Variants in LINGO2 observed in about 807,000 individuals in gnomAD.
The protein encoded by LINGO2 is leucine-rich repeat and immunoglobulin-like domain-containing nogo receptor-interacting protein 2.
A neutral mutation model predicts 30.6 loss-of-function variants in LINGO2; 14 were observed. That is an observed-to-expected ratio of 0.46 (90% CI 0.30 to 0.72). The LOEUF (loss-of-function observed/expected upper bound fraction) is 0.72, where lower values mean the gene tolerates loss of function less well. Among genes scored for constraint, LINGO2 ranks in the 30% least tolerant of loss-of-function variants. LINGO2 has a pLI of 0.07. For synonymous variants in LINGO2, 317 were observed against 288.5 expected (o/e 1.10, Z -1.00); for missense variants, 729 against 751.7 (o/e 0.97, Z 0.35).
intron 5 of LINGO2, among the ~76,000 whole-genome samples, chr9:27,979,545 C>A (rs1820757958): frequency 6.6e-6 from 1 of 151,904 alleles, no homozygotes; most frequent in South Asian, 2.1e-4. Flanking sequence ...ATAGTTTTTA[C>A]ATTATCTTGC....
chr9:28,148,458 A>T lies in LINGO2; in HGVS notation c.-86-136053T>A. ...GAGGTGAGGGCAGAAGAGCCCAGAG[A>T]AGCAACGGAGGTGACAGACCAGGTA... On this transcript the variant is annotated intron_variant, in intron 4 of 5. Coordinates refer to ENST00000379992, the Ensembl canonical transcript of LINGO2. This position sits in a 1 kb window ranked among gnomAD's most constrained non-coding sequence, Gnocchi z 5.1. 1 of 1,407,648 alleles carries T rather than the reference A, an allele frequency of 7.1e-7. No homozygotes were observed. The highest frequency in any genetic ancestry group is 9.7e-7 in the Non-Finnish European group (1 of 1,030,914). 87.2% of individuals were successfully genotyped at this position (1,407,648 alleles called of 1,614,324 possible).
chr9:27,981,542 A>G (rs1396576539), intron 5 of LINGO2, among the ~76,000 whole-genome samples: 1 of 122,742 alleles, frequency 8.1e-6, no homozygotes, highest in Admixed American at 8.0e-5. Flanking sequence ...GGCAAAAAAA[A>G]AAAAAAAAGA....
chr9:28,072,155 T>C (rs1310253191), intron 4 of LINGO2, among the ~76,000 whole-genome samples: 1 of 152,186 alleles, frequency 6.6e-6, no homozygotes, highest in Non-Finnish European at 1.5e-5. Context: ...CCTTTTTGTG[T>C]GCTTTCTGGG....
the LINGO2 span, among the ~76,000 whole-genome samples, chr9:28,970,017 G>A: frequency 6.6e-6 from 1 of 152,126 alleles, no homozygotes; most frequent in African/African-American, 2.4e-5. Context: ...ATATACTTCG[G>A]ATTTCTGACA....
At chr9:28,705,603 T>G in the LINGO2 span, among the ~76,000 whole-genome samples, 1 of 152,074 alleles carries the variant, frequency 6.6e-6, no homozygotes, top group East Asian at 1.9e-4. Flanking sequence ...ACTTTTCTGC[T>G]CCCACTGCCA....
chr9:28,209,176 C>T (rs970370051), intron 4 of LINGO2, among the ~76,000 whole-genome samples: 8 of 151,968 alleles, frequency 5.3e-5, no homozygotes, highest in African/African-American at 1.9e-4. Flanking sequence ...TCTTATTTAT[C>T]CATTCTCTAA....
chr9:28,886,691 G>A, the LINGO2 span, among the ~76,000 whole-genome samples: 1 of 152,030 alleles, frequency 6.6e-6, no homozygotes, highest in Non-Finnish European at 1.5e-5. Context: ...TTCTCTCTAT[G>A]TAATTTCCCA....
At chr9:28,045,930 G>A (rs1824401108) in intron 4 of LINGO2, among the ~76,000 whole-genome samples, 2 of 152,284 alleles carry the variant, frequency 1.3e-5, no homozygotes, top group East Asian at 1.9e-4. Flanking sequence ...ATGATGAAAA[G>A]CAAAGAGTTA....
At chr9:28,117,333 T>C (rs1432494319) in intron 4 of LINGO2, among the ~76,000 whole-genome samples, 14 of 143,812 alleles carry the variant, frequency 9.7e-5, no homozygotes, top group Non-Finnish European at 2.1e-4. Context: ...ACAGGGACAT[T>C]TAAGTCTGCA....
chr9:28,997,693 G>A, the LINGO2 span, among the ~76,000 whole-genome samples: 1 of 151,914 alleles, frequency 6.6e-6, no homozygotes, highest in Non-Finnish European at 1.5e-5. Context: ...CATGGTAGTG[G>A]GCACCTATAG....
At chr9:28,987,693 C>G in the LINGO2 span, among the ~76,000 whole-genome samples, 1 of 152,082 alleles carries the variant, frequency 6.6e-6, no homozygotes, top group Non-Finnish European at 1.5e-5. Context: ...AAACTTACCT[C>G]TTAGAACTCT....
chr9:28,053,692 A>T (rs943141045), intron 4 of LINGO2, among the ~76,000 whole-genome samples: 2 of 152,122 alleles, frequency 1.3e-5, no homozygotes, highest in African/African-American at 2.4e-5. Flanking sequence ...TCGAGGCCTC[A>T]TCATGAAATC....
chr9:28,937,373 A>AACC, the LINGO2 span, among the ~76,000 whole-genome samples: 1 of 152,194 alleles, frequency 6.6e-6, no homozygotes, highest in Non-Finnish European at 1.5e-5. Flanking sequence ...TGCTTCCAGA[A>AACC]TAAAATGGTA....
chr9:28,661,639 A>C (rs1828588877), intron 1 of LINGO2, among the ~76,000 whole-genome samples: 1 of 152,212 alleles, frequency 6.6e-6, no homozygotes, highest in South Asian at 2.1e-4. Context: ...TGAAGTGGCC[A>C]TGAATATTTC....
At position 28,510,789 on chromosome 9, in the gene LINGO2, A is replaced by C. The variant is rs181917032; in HGVS notation, c.-364-34764T>G. On this transcript the variant is annotated intron_variant, in intron 1 of 5. Transcript: ENST00000379992. Reference sequence around the variant, plus strand: ...ATATTTAAAAATTATCTATCTATCTATCTATTTGGGAGTTTATTAAGTATT... The same window carrying C: ...ATATTTAAAAATTATCTATCTATCTCTCTATTTGGGAGTTTATTAAGTATT... 8.2e-4 allele frequency among the ~76,000 whole-genome samples: 124 copies of C among 151,962 alleles called. 1 individual carries two copies. Among genetic ancestry groups the C allele is most frequent in the African/African-American group, 2.7e-3 (113 of 41,446 alleles).
intron 3 of LINGO2, among the ~76,000 whole-genome samples, chr9:28,347,921 A>G (rs931323912): frequency 6.6e-6 from 1 of 152,168 alleles, no homozygotes; most frequent in Admixed American, 6.5e-5. Context: ...GCCTCTCTTG[A>G]GATAATTAGT....
the LINGO2 span, among the ~76,000 whole-genome samples, chr9:28,839,043 A>G: frequency 6.6e-6 from 1 of 152,166 alleles, no homozygotes; most frequent in African/African-American, 2.4e-5. Flanking sequence ...TGGCGCCTGG[A>G]AACTTGGAGA....
chr9:27,973,915 C>T (rs1563871123), intron 5 of LINGO2, among the ~76,000 whole-genome samples: 1 of 152,162 alleles, frequency 6.6e-6, no homozygotes, highest in Non-Finnish European at 1.5e-5. Flanking sequence ...ATTCCTGTGA[C>T]ATTCCCAGAT....
chr9:27,987,058 C>T (rs1473205539), intron 5 of LINGO2, among the ~76,000 whole-genome samples: 2 of 150,524 alleles, frequency 1.3e-5, no homozygotes, highest in Non-Finnish European at 3.0e-5. Flanking sequence ...GTGTGAGTTT[C>T]AGCAAAATTG....
Sources: allele counts gnomAD v4.1 joint callset (sites outside exome capture counted in the v4.1 genomes callset), GRCh38; gene constraint gnomAD v4.1.1; non-coding constraint Gnocchi (gnomAD v3.1); transcripts MANE v1.5; gene names NCBI Gene and HGNC (gene_info 2026-07-23, HGNC 2026-07-21).